Variants in MOV10L1 observed in about 807,000 individuals in gnomAD.
MOV10L1 encodes the protein Mov10 like RNA helicase 1, also known as RNA helicase Mov10l1.
Under a neutral mutation model 143.8 loss-of-function variants are expected in MOV10L1, and 110 were observed. The ratio of observed to expected loss-of-function variants is 0.76; its 90% CI spans 0.66 to 0.90. The LOEUF (loss-of-function observed/expected upper bound fraction) is 0.90. Ranked by LOEUF, MOV10L1 falls within the 40% of genes least tolerant of loss-of-function variation. The pLI is 0.00. For missense variants in MOV10L1, 1,406 were observed against 1,526.8 expected (o/e 0.92, Z 1.32); for synonymous variants, 593 against 581.1 (o/e 1.02, Z -0.29).
chr22:50,153,166 G>A lies in MOV10L1; in HGVS notation c.3014G>A (p.Gly1005Asp), dbSNP rs2063342031. ...ADPTVVTSLL[G>D]WEKLPKKGFP... Reference sequence around the variant, plus strand: ...CCCACAGTGGTGACCTCCTTGCTGGGCTGGGAGAAGTTGCCTAAGAAAGGC... The same window carrying A: ...CCCACAGTGGTGACCTCCTTGCTGGACTGGGAGAAGTTGCCTAAGAAAGGC... Residue 1005 changes from glycine to aspartate, a missense_variant, in exon 22 of 27, where the codon GGC becomes GAC. Around this residue, in one of 3 missense-constraint regions of MOV10L1, gnomAD observed 1,233 missense variants for 1,351.4 expected, o/e 0.91. Coordinates refer to ENST00000262794, the MANE Select transcript of MOV10L1 (RefSeq NM_018995.3). The A allele has an allele frequency of 6.2e-7, 1 of 1,614,058 alleles. No homozygotes were observed. The highest frequency in any genetic ancestry group is 8.5e-7 in the Non-Finnish European group (1 of 1,179,918).
intron 19 of MOV10L1, among the ~76,000 whole-genome samples, chr22:50,148,029 A>C (rs1202281436): frequency 1.3e-5 from 2 of 152,244 alleles, no homozygotes; most frequent in African/African-American, 4.8e-5. Context: ...CTCACCCCAC[A>C]GTGGGACACC....
chr22:50,099,693 A>G, intron 3 of MOV10L1, 91 bp downstream of exon 3: 3 of 1,419,766 alleles, frequency 2.1e-6, no homozygotes, highest in Non-Finnish European at 2.9e-6. Context: ...CATGCCTATA[A>G]TCCCAGCACT....
intron 8 of MOV10L1, among the ~76,000 whole-genome samples, 188 bp downstream of exon 8, chr22:50,115,434 T>C (rs1242671064): frequency 6.6e-6 from 1 of 152,000 alleles, no homozygotes; most frequent in Non-Finnish European, 1.5e-5. Flanking sequence ...GCCCCTGTAG[T>C]CCTAGCTACT....
chr22:50,107,574 C>G (rs1388322754), intron 3 of MOV10L1, among the ~76,000 whole-genome samples: 1 of 152,114 alleles, frequency 6.6e-6, no homozygotes, highest in Non-Finnish European at 1.5e-5. Context: ...CCTGTGCAGA[C>G]CATCTCTCTG....
At chr22:50,122,652 A>G (rs1313121605) in intron 10 of MOV10L1, among the ~76,000 whole-genome samples, 8 of 152,218 alleles carry the variant, frequency 5.3e-5, no homozygotes, top group Middle Eastern at 3.4e-3. Context: ...AAAGCTTTCA[A>G]TCTTTCACCA....
chr22:50,137,841 C>CGT (rs2062873021), intron 15 of MOV10L1, among the ~76,000 whole-genome samples: 2 of 80,266 alleles, frequency 2.5e-5, no homozygotes, highest in African/African-American at 7.6e-5. Flanking sequence ...TTTATATATA[C>CGT]ATATATAAAT....
chr22:50,143,145 G>A lies in MOV10L1; in HGVS notation c.2282G>A (p.Cys761Tyr), dbSNP rs755027479. ...GTTAAAAGGATTCTGAGTGGTGACT[G>A]CCGTCCCCTCCCGTATATTCTCTTT... ...LAVKRILSGD[C>Y]RPLPYILFGP... The change falls in exon 17 of 27, where the codon TGC (cysteine) becomes TAC (tyrosine). Residue 761 changes from cysteine (C) to tyrosine (Y), a missense_variant. By Grantham distance (194) the Cys-to-Tyr change is radical. Coordinates refer to ENST00000262794, the MANE Select transcript of MOV10L1 (RefSeq NM_018995.3). The A allele has an allele frequency of 5.6e-6, 9 of 1,614,146 alleles. No individual in the cohort carries two copies. The highest frequency in any genetic ancestry group is 7.6e-6 in the Non-Finnish European group (9 of 1,179,974).
At position 50,158,794 on chromosome 22, in the gene MOV10L1, G is replaced by C. The variant is rs942983154; in HGVS notation, c.3216+588G>C. 2.0e-5 allele frequency: 3 copies of C among 152,724 alleles called. No individual in the cohort carries two copies. The highest frequency in any genetic ancestry group is 2.0e-4 in the Admixed American group (3 of 15,330). 9.5% of individuals were successfully genotyped at this position (152,724 alleles called of 1,614,324 possible). Reference sequence around the variant, plus strand: ...GAACCCCCAAAATACAGAAGAAAAGGTGAGTCCCCTAGGCCATCACAGTAA... The same window carrying C: ...GAACCCCCAAAATACAGAAGAAAAGCTGAGTCCCCTAGGCCATCACAGTAA... On this transcript the variant is annotated intron_variant, in intron 23 of 26. Transcript: ENST00000262794. The surrounding 1 kb of genome is among the most constrained non-coding windows in gnomAD (Gnocchi z 5.0).
At chr22:50,099,712 C>T in intron 3 of MOV10L1, 110 bp downstream of exon 3, 1 of 1,312,256 alleles carries the variant, frequency 7.6e-7, no homozygotes, top group Non-Finnish European at 1.0e-6. Flanking sequence ...CTTTGTCAGG[C>T]TGAGACAGGA....
chr22:50,115,836 C>A (rs1187296030), intron 8 of MOV10L1, among the ~76,000 whole-genome samples: 1 of 152,208 alleles, frequency 6.6e-6, no homozygotes, highest in African/African-American at 2.4e-5. Context: ...AGCCCTGGGG[C>A]CTCGGTCATC....
At chr22:50,146,972 G>A (rs541442089) in intron 19 of MOV10L1, 25 of 1,247,216 alleles carry the variant, frequency 2.0e-5, no homozygotes, top group South Asian at 3.9e-5. Context: ...CCCGAGAGCC[G>A]TGTGTGGCTA....
At position 50,134,009 on chromosome 22, in the gene MOV10L1, C is replaced by T; in HGVS notation, c.1913C>T (p.Thr638Ile). The change falls in exon 14 of 27, where the codon ACC becomes ATC. Residue 638 changes from threonine to isoleucine, a missense_variant and splice_region_variant. Thr to Ile is a moderately conservative substitution (Grantham distance 89). Coordinates refer to ENST00000262794, the MANE Select transcript of MOV10L1 (RefSeq NM_018995.3). ...TTATGTGGTTTTCTTTCCTGCAGGA[C>T]CACAAGCAGACGGTGTCACTTTGCA... Reference protein sequence around the residue: ...PMDVEFTYNRTTSRRCHFALE... With the variant: ...PMDVEFTYNRITSRRCHFALE... 6.2e-7 allele frequency: 1 copy of T among 1,611,188 alleles called. No individual in the cohort carries two copies. The highest frequency in any genetic ancestry group is 8.5e-7 in the Non-Finnish European group (1 of 1,179,316).
chr22:50,123,196 CAAAAAAAA>C (rs71198219), intron 10 of MOV10L1, among the ~76,000 whole-genome samples: 5 of 101,450 alleles, frequency 4.9e-5, no homozygotes, highest in African/African-American at 8.8e-5. Context: ...ACTCATGTCT[CAAAAAAAA>C]AAAAAAAAAA....
At chr22:50,113,982 G>A (rs796903813) in intron 6 of MOV10L1, among the ~76,000 whole-genome samples, 194 bp downstream of exon 6, 2 of 143,490 alleles carry the variant, frequency 1.4e-5, no homozygotes, top group Non-Finnish European at 3.0e-5. Context: ...GCAGTGGCGC[G>A]ATCTCAGCTC....
At chr22:50,127,380 CT>C (rs772930354) in intron 12 of MOV10L1, among the ~76,000 whole-genome samples, 3 of 152,210 alleles carry the variant, frequency 2.0e-5, no homozygotes, top group Non-Finnish European at 4.4e-5. Context: ...TCTTTTCAGG[CT>C]TTCTTGGATG....
In MOV10L1 at chr22:50,161,389, C is replaced by G. The variant is rs1319675931; in HGVS notation, c.3576C>G (p.Asp1192Glu). ...SLQNCGEGVA[D>E]PSYPVVPEST... The stretch of plus-strand genomic sequence containing the variant: ...ACAGCTGTGGCGAGGGGGTGGCAGA[C>G]CCCTCCTACCCAGTGGTGCCAGAAT... Residue 1192 changes from aspartate to glutamate, a missense_variant, in exon 27 of 27, where the codon GAC becomes GAG. This residue lies in a region of MOV10L1 where 1,233 missense variants were observed against 1,351.4 expected (regional missense o/e 0.91). Transcript: ENST00000262794. 6.2e-7 allele frequency: 1 copy of G among 1,600,274 alleles called. No homozygotes were observed. The highest frequency in any genetic ancestry group is 2.3e-5 in the East Asian group (1 of 44,320).
rs2063316853 is a variant in MOV10L1 at position 50,152,147 on chromosome 22, A to T, written c.2893-898A>T. Among the ~76,000 whole-genome samples, 1 of 152,216 alleles carries T rather than the reference A, an allele frequency of 6.6e-6. No individual in the cohort carries two copies. The highest frequency in any genetic ancestry group is 1.5e-5 in the Non-Finnish European group (1 of 68,030). ...TGTCATCTGGCGAGTAACAGACAGC[A>T]CTGCAGGAACACAGGTTTTCACCAA... is the stretch of plus-strand genomic sequence containing the variant. On this transcript the variant is annotated intron_variant, in intron 21 of 26. Coordinates refer to ENST00000262794, the MANE Select transcript of MOV10L1 (RefSeq NM_018995.3). The surrounding 1 kb of genome is among the most constrained non-coding windows in gnomAD (Gnocchi z 4.4).
intron 19 of MOV10L1, chr22:50,147,054 C>A: frequency 6.4e-7 from 1 of 1,552,972 alleles, no homozygotes; most frequent in South Asian, 1.2e-5. Context: ...AGTCAAAGGT[C>A]AAGAGCCGAA....
In MOV10L1 at chr22:50,108,984, A is replaced by G. The variant is rs1156772935; in HGVS notation, c.743+140A>G. On this transcript the variant is annotated intron_variant, in intron 5 of 26. Coordinates refer to ENST00000262794, the MANE Select transcript of MOV10L1 (RefSeq NM_018995.3). ...ACGTGGTGAAACTCTGTCTCTACTA[A>G]AAGTACAAAATTAGCTGGGCGTGGT... 7.9e-6 allele frequency: 6 copies of G among 756,224 alleles called. No homozygotes were observed. The Admixed American group carries it at 8.6e-5, about 11-fold the overall frequency. 46.8% of individuals were successfully genotyped at this position (756,224 alleles called of 1,614,324 possible). A position where few individuals can be genotyped will look rare whatever the true frequency, so the allele number is the denominator to read the frequency against.
Sources: gnomAD v4.1 joint callset for allele counts (sites outside exome capture counted in the v4.1 genomes callset) on GRCh38, gnomAD v4.1.1 for gene constraint, gnomAD v4.1.1 regional missense constraint, Gnocchi (gnomAD v3.1) non-coding constraint, MANE v1.5 for transcripts, NCBI Gene and HGNC (gene_info 2026-07-23, HGNC 2026-07-21) for gene names.